The following PDE10A variants were observed in gnomAD, a reference collection of about 807,000 sequenced individuals.
The protein encoded by PDE10A is phosphodiesterase 10A, also known as cAMP and cAMP-inhibited cGMP 3',5'-cyclic phosphodiesterase 10A.
A neutral mutation model predicts 97.7 loss-of-function variants in PDE10A; 39 were observed. The ratio of observed to expected loss-of-function variants is 0.40; its 90% CI spans 0.31 to 0.52. PDE10A has a LOEUF of 0.52. Ranked by LOEUF, PDE10A falls within the 20% of genes least tolerant of loss-of-function variation. The probability of loss-of-function intolerance (pLI) is 0.56; values close to 1 mark genes in which losing one functional copy is unlikely to be tolerated. For missense variants in PDE10A, 731 were observed against 1,047.8 expected (o/e 0.70, Z 4.17); for synonymous variants, 371 against 376.8 (o/e 0.98, Z 0.18).
chr6:165,528,085 T>C (rs1782557170), intron 2 of PDE10A, among the ~76,000 whole-genome samples: 1 of 152,226 alleles, frequency 6.6e-6, no homozygotes, highest in Non-Finnish European at 1.5e-5. Flanking sequence ...TATATACGGA[T>C]TCATGGACTG....
At chr6:165,888,350 A>G (rs753841713) in intron 1 of PDE10A, among the ~76,000 whole-genome samples, 8 of 150,844 alleles carry the variant, frequency 5.3e-5, no homozygotes, top group South Asian at 2.1e-4. Context: ...CAGTGGTGTG[A>G]TCTCAGCTCA....
At chr6:165,386,855 C>A (rs1170214379) in intron 17 of PDE10A, among the ~76,000 whole-genome samples, 10 of 143,648 alleles carry the variant, frequency 7.0e-5, no homozygotes, top group East Asian at 4.1e-4. Flanking sequence ...AAAAAAAATA[C>A]AAAAAAAAAA....
chr6:165,871,726 G>A (rs1192505868), intron 1 of PDE10A, among the ~76,000 whole-genome samples: 1 of 152,202 alleles, frequency 6.6e-6, no homozygotes, highest in Non-Finnish European at 1.5e-5. Flanking sequence ...CCCAAAGGCA[G>A]AACCTCAGGG....
intron 1 of PDE10A, among the ~76,000 whole-genome samples, chr6:165,875,279 G>A (rs552011391): frequency 2.1e-4 from 32 of 152,248 alleles, no homozygotes; most frequent in African/African-American, 6.3e-4. Flanking sequence ...ATGGACCACA[G>A]TATGAACATC....
In PDE10A at chr6:165,593,047, A is replaced by C. The variant is rs563222914; in HGVS notation, c.866-49479T>G. ...CACAATAGCAAAGACTTGGAACCAA[A>C]CCAAATGTCCATCAATGATAGACTG... On this transcript the variant is annotated intron_variant, in intron 1 of 21. Transcript: ENST00000539869. 1.4e-4 allele frequency among the ~76,000 whole-genome samples: 22 copies of C among 152,322 alleles called. No individual in the cohort carries two copies. In the East Asian group the frequency reaches 4.1e-3, roughly 28 times the overall value.
At chr6:165,960,443 A>C (rs1784321951) in intron 1 of PDE10A, among the ~76,000 whole-genome samples, 1 of 152,200 alleles carries the variant, frequency 6.6e-6, no homozygotes, top group Non-Finnish European at 1.5e-5. Context: ...CAGCACATTC[A>C]CAGATGGCAT....
chr6:165,740,128 A>T (rs1035516421), intron 1 of PDE10A, among the ~76,000 whole-genome samples: 14 of 152,314 alleles, frequency 9.2e-5, no homozygotes, highest in Middle Eastern at 3.4e-3. Flanking sequence ...CGAAGGACAT[A>T]AAATCAGCAC....
chr6:165,678,323 C>A (rs915604811), intron 1 of PDE10A, among the ~76,000 whole-genome samples: 4 of 149,474 alleles, frequency 2.7e-5, no homozygotes, highest in African/African-American at 9.9e-5. Context: ...GTGTGCATAT[C>A]TTTCCTTCTG....
chr6:165,833,139 T>G (rs566481514), intron 1 of PDE10A, among the ~76,000 whole-genome samples: 32 of 152,252 alleles, frequency 2.1e-4, no homozygotes, highest in Non-Finnish European at 4.6e-4. Flanking sequence ...ATGACATTCA[T>G]GGATGTCCCT....
At chr6:165,542,711 C>T (rs574958018) in intron 2 of PDE10A, among the ~76,000 whole-genome samples, 8 of 150,368 alleles carry the variant, frequency 5.3e-5, no homozygotes, top group Admixed American at 2.0e-4. Flanking sequence ...CTCCGCCTCC[C>T]GGGTTCACGC....
chr6:165,496,369 G>A lies in PDE10A; in HGVS notation c.995-14026C>T, dbSNP rs78173122. 4.9e-3 allele frequency among the ~76,000 whole-genome samples: 748 copies of A among 152,278 alleles called. 8 individuals carry two copies. The highest frequency in any genetic ancestry group is 0.027 in the Middle Eastern group (8 of 294). ...AATACGACAGAAATAAGGAAGACAG[G>A]TTTGGAGTCAATAGATCTTTCTTCA... On this transcript the variant is annotated intron_variant, in intron 2 of 21. Transcript: ENST00000539869.
At chr6:165,820,636 C>T (rs1251453916) in intron 1 of PDE10A, among the ~76,000 whole-genome samples, 1 of 152,144 alleles carries the variant, frequency 6.6e-6, no homozygotes, top group Non-Finnish European at 1.5e-5. Flanking sequence ...GCAGGGCTTC[C>T]CAAAATGCTT....
intron 3 of PDE10A, among the ~76,000 whole-genome samples, chr6:165,466,771 A>G (rs7749858): frequency 0.028 from 4,242 of 152,174 alleles, 202 homozygotes; most frequent in African/African-American, 0.094. Flanking sequence ...CAAACCAATT[A>G]ATAACTCTAC....
intron 5 of PDE10A, among the ~76,000 whole-genome samples, chr6:165,447,756 A>G (rs1790975793): frequency 1.3e-5 from 2 of 152,248 alleles, no homozygotes; most frequent in Admixed American, 1.3e-4. Context: ...AATGCAAATT[A>G]ATAAACATTC....
chr6:165,583,162 T>A (rs1459546890), intron 1 of PDE10A, among the ~76,000 whole-genome samples: 3 of 152,212 alleles, frequency 2.0e-5, no homozygotes, highest in Non-Finnish European at 4.4e-5. Context: ...CCAGATAAAT[T>A]ATTCTTACTA....
chr6:165,860,741 A>G (rs35441102), intron 1 of PDE10A, among the ~76,000 whole-genome samples: 50,565 of 152,026 alleles, frequency 0.33, 8,575 homozygotes, highest in South Asian at 0.48. Context: ...CCGTGTATTG[A>G]TTTGTTTGGG....
chr6:165,950,442 G>T (rs1783916916), intron 1 of PDE10A, among the ~76,000 whole-genome samples: 3 of 152,228 alleles, frequency 2.0e-5, no homozygotes. Flanking sequence ...AGAGGAGCTT[G>T]CTTCCCTGGA....
chr6:165,915,569 G>A (rs118088253), intron 1 of PDE10A, among the ~76,000 whole-genome samples: 2 of 152,256 alleles, frequency 1.3e-5, no homozygotes, highest in South Asian at 2.1e-4. Flanking sequence ...TGGGAGTGGA[G>A]CTGGGTCTCT....
chr6:165,786,141 T>G (rs1778487056), intron 1 of PDE10A, among the ~76,000 whole-genome samples: 1 of 152,166 alleles, frequency 6.6e-6, no homozygotes, highest in Non-Finnish European at 1.5e-5. Flanking sequence ...AGGAAACAGA[T>G]TATTTAAGAC....
Sources: gnomAD v4.1 joint callset for allele counts (sites outside exome capture counted in the v4.1 genomes callset) on GRCh38, gnomAD v4.1.1 for gene constraint, MANE v1.5 for transcripts, NCBI Gene and HGNC (gene_info 2026-07-23, HGNC 2026-07-21) for gene names.